Variants in CDK10 observed in about 807,000 individuals in gnomAD.
CDK10 encodes the protein cyclin dependent kinase 10.
CDK10 carries 55 observed loss-of-function variants against 51.0 expected under a neutral mutation model. That is an observed-to-expected ratio of 1.08 (90% CI 0.87 to 1.35). CDK10 has a LOEUF of 1.35. CDK10 is among the 40% of genes most tolerant of loss of function. CDK10 has a pLI of 0.00. For missense variants in CDK10, 589 were observed against 485.1 expected (o/e 1.21, Z -2.01); for synonymous variants, 255 against 199.1 (o/e 1.28, Z -2.36).
In CDK10 at chr16:89,694,967, C is replaced by G. The variant is rs749963895; in HGVS notation, c.829C>G (p.Leu277Val). 6 of 1,613,260 alleles carry G rather than the reference C, an allele frequency of 3.7e-6. No homozygotes were observed. Among genetic ancestry groups the G allele is most frequent in the Non-Finnish European group, 5.1e-6 (6 of 1,180,042 alleles). The part of the protein sequence containing the change: ...SKLPLVGQYS[L>V]RKQPYNNLKH... Reference sequence around the variant, plus strand: ...GCTGCCACTGGTCGGCCAGTACAGCCTCCGGAAGCAGCCCTACAACAACCT... The same window carrying G: ...GCTGCCACTGGTCGGCCAGTACAGCGTCCGGAAGCAGCCCTACAACAACCT... Residue 277 changes from leucine (L) to valine (V), a missense_variant, in exon 11 of 13, where the codon CTC (leucine) becomes GTC (valine). Coordinates refer to ENST00000353379, the MANE Select transcript of CDK10 (RefSeq NM_052988.5).
At chr16:89,690,357 A>G in intron 2 of CDK10, 196 bp from the exon 3 acceptor site, 1 of 602,754 alleles carries the variant, frequency 1.7e-6, no homozygotes, top group South Asian at 1.9e-5. Flanking sequence ...TGCCCAGTTC[A>G]AATGAGGAAA....
At chr16:89,691,038 C>T (rs561989640) in intron 3 of CDK10, among the ~76,000 whole-genome samples, 2 of 152,334 alleles carry the variant, frequency 1.3e-5, no homozygotes, top group African/African-American at 4.8e-5. Context: ...GTAATCCCAG[C>T]ACTTTGGGAG....
intron 2 of CDK10, chr16:89,690,238 A>G (rs978743413): frequency 2.0e-5 from 8 of 401,088 alleles, no homozygotes; most frequent in Non-Finnish European, 3.2e-5. Context: ...ACATTACAAG[A>G]GAGCACAAAG....
At chr16:89,694,858 T>C (rs1234110326) in intron 10 of CDK10, 70 bp downstream of exon 10, 1 of 1,504,002 alleles carries the variant, frequency 6.6e-7, no homozygotes, top group Non-Finnish European at 9.0e-7. Flanking sequence ...CCCCCGCCCG[T>C]GCCCACGCCC....
At chr16:89,687,405 GCT>G (rs1567508512) in intron 1 of CDK10, 2 of 442,462 alleles carry the variant, frequency 4.5e-6, no homozygotes, top group Non-Finnish European at 9.3e-6. Context: ...GCTGGCTGGT[GCT>G]CTGAGAGGCC....
chr16:89,689,583 GAAATA>G, intron 2 of CDK10: 1 of 449,508 alleles, frequency 2.2e-6, no homozygotes, highest in African/African-American at 2.0e-5. Context: ...AACTGTTAGA[GAAATA>G]AAATACAGAA....
At chr16:89,692,424 C>T in intron 5 of CDK10, 25 bp from the exon 6 acceptor site, 1 of 1,518,338 alleles carries the variant, frequency 6.6e-7, no homozygotes, top group South Asian at 1.3e-5. Flanking sequence ...CTCACCCTGA[C>T]TGGTACCTCT....
rs1241602272 is a variant in CDK10 at position 89,695,796 on chromosome 16, T to TCATCCCCTTGGCTGGGAA, written c.*110_*127dup. 4.5e-6 allele frequency: 7 copies of TCATCCCCTTGGCTGGGAA among 1,566,600 alleles called. No homozygotes were observed. The highest frequency in any genetic ancestry group is 6.0e-6 in the Non-Finnish European group (7 of 1,159,448). On this transcript the variant is annotated 3_prime_UTR_variant, in exon 13 of 13. Coordinates refer to ENST00000353379, the MANE Select transcript of CDK10 (RefSeq NM_052988.5). ...GCTGACCAGGCGCCCGGGATCCAGC[T>TCATCCCCTTGGCTGGGAA]CATCCCCTTGGCTGGGAACATCCTC...
At chr16:89,688,752 T>G (rs1232313136) in intron 1 of CDK10, among the ~76,000 whole-genome samples, 3 of 152,178 alleles carry the variant, frequency 2.0e-5, no homozygotes, top group Non-Finnish European at 4.4e-5. Context: ...AGTGGCCGCC[T>G]CTGATATTTC....
chr16:89,689,503 A>G, intron 2 of CDK10, 179 bp downstream of exon 2: 1 of 606,040 alleles, frequency 1.7e-6, no homozygotes, highest in East Asian at 2.8e-5. Context: ...ACATTGTACC[A>G]TTTCTGGGTA....
At chr16:89,695,469 G>A (rs1379165701) in intron 12 of CDK10, 124 bp downstream of exon 12, 9 of 1,467,728 alleles carry the variant, frequency 6.1e-6, no homozygotes, top group Non-Finnish European at 6.6e-6. Context: ...GGGGTAAGAG[G>A]ACAGGGGCAT....
In CDK10 at chr16:89,695,974, A is replaced by G. The variant is rs1050230225; in HGVS notation, c.*282A>G. On this transcript the variant is annotated 3_prime_UTR_variant, in exon 13 of 13. Transcript: ENST00000353379. ...GGGGTCTCATGTGGTCCTCCTCGCT[A>G]TGTTGGAAATGTGCAACCACTGCTT... 1.1e-4 allele frequency: 65 copies of G among 616,026 alleles called. No homozygotes were observed. The highest frequency in any genetic ancestry group is 1.0e-3 in the African/African-American group (56 of 54,356). 38.2% of individuals were successfully genotyped at this position (616,026 alleles called of 1,614,324 possible).
chr16:89,696,024 C>A lies in CDK10; in HGVS notation c.*332C>A. On this transcript the variant is annotated 3_prime_UTR_variant, in exon 13 of 13. Coordinates refer to ENST00000353379, the MANE Select transcript of CDK10 (RefSeq NM_052988.5). ...TCTTGGGAGGAGTGGTGGGTGCAGT[C>A]CCCCCGCTGTCTTTGAGTTGTGGTG... 1.7e-6 allele frequency: 1 copy of A among 589,166 alleles called. No individual in the cohort carries two copies. The highest frequency in any genetic ancestry group is 2.0e-5 in the South Asian group (1 of 50,550). The allele number at this position is 589,166 out of a possible 1,614,324, so 36.5% of individuals were successfully genotyped here.
chr16:89,695,507 G>A, intron 12 of CDK10, 88 bp from the exon 13 acceptor site: 1 of 1,516,758 alleles, frequency 6.6e-7, no homozygotes, highest in Non-Finnish European at 9.0e-7. Flanking sequence ...CCAGGGCCAG[G>A]TCCAGAGGCA....
chr16:89,693,660 G>A, intron 8 of CDK10, 193 bp downstream of exon 8: 1 of 614,286 alleles, frequency 1.6e-6, no homozygotes, highest in East Asian at 2.8e-5. Context: ...GTGAGAGACG[G>A]GCTCAGTGGC....
intron 3 of CDK10, 151 bp downstream of exon 3, chr16:89,690,775 G>T: frequency 1.4e-6 from 1 of 704,508 alleles, no homozygotes; most frequent in South Asian, 1.6e-5. Context: ...ATCACCCCCA[G>T]GTCCACACGC....
In CDK10 at chr16:89,691,503, T is replaced by C; in HGVS notation, c.293T>C (p.Ile98Thr). The change falls in exon 4 of 13, where the codon ATC becomes ACC. Residue 98 changes from isoleucine to threonine, a missense_variant. Transcript: ENST00000353379. Reference protein sequence around the residue: ...TLLLRLRHPNIVELKEVVVGN... With the variant: ...TLLLRLRHPNTVELKEVVVGN... ...CTGCTCCGCCTGCGTCATCCGAACA[T>C]CGTGGAGCTGAAGGAGGTGGTTGTG... 2 of 1,613,958 alleles carry C rather than the reference T, an allele frequency of 1.2e-6. No individual in the cohort carries two copies. Among genetic ancestry groups the C allele is most frequent in the Non-Finnish European group, 1.7e-6 (2 of 1,179,930 alleles).
At chr16:89,689,382 G>A (rs1349183964) in intron 2 of CDK10, 58 bp downstream of exon 2, 18 of 1,487,364 alleles carry the variant, frequency 1.2e-5, no homozygotes, top group Middle Eastern at 1.9e-4. Context: ...AGTGTGGGAC[G>A]AGACTGTCGA....
intron 2 of CDK10, 100 bp from the exon 3 acceptor site, chr16:89,690,453 A>G (rs1034311918): frequency 1.0e-6 from 1 of 989,562 alleles, no homozygotes; most frequent in Admixed American, 1.7e-5. Flanking sequence ...CAGAGGAAAG[A>G]ACGGGGACCC....
Sources: gnomAD v4.1 joint callset for allele counts (sites outside exome capture counted in the v4.1 genomes callset) on GRCh38, gnomAD v4.1.1 for gene constraint, MANE v1.5 for transcripts, NCBI Gene and HGNC (gene_info 2026-07-23, HGNC 2026-07-21) for gene names.